SCART1: variants seen among roughly 807,000 people sequenced by gnomAD.
SCART1 encodes scavenger receptor family member expressed on T cells 1.
SCART1 carries 62 observed loss-of-function variants against 36.2 expected under a neutral mutation model. That is an observed-to-expected ratio of 1.71 (90% CI 1.40 to 2.12). The LOEUF is 2.12. SCART1 is among the 30% of genes most tolerant of loss of function. The pLI, the probability that SCART1 is intolerant of heterozygous loss-of-function variation, is 0.00. For missense variants in SCART1, 1,041 were observed against 540.5 expected, an observed-to-expected ratio of 1.93 and a Z score of -9.18; for synonymous variants, 487 against 238.7, an observed-to-expected ratio of 2.04 and a Z score of -9.59.
intron 3 of SCART1, 100 bp downstream of exon 3, chr10:133,457,675 G>C: frequency 1.7e-6 from 1 of 592,820 alleles, no homozygotes. Flanking sequence ...CCACGGATGG[G>C]CCCCCCTGTC....
chr10:133,456,423 G>A, exon 2 of SCART1: 1 of 702,892 alleles, frequency 1.4e-6, no homozygotes, highest in South Asian at 1.5e-5. Flanking sequence ...CCGCTGCCTG[G>A]AGAGATGGCC....
At chr10:133,454,706 G>A (rs1318756069) in intron 1 of SCART1, among the ~76,000 whole-genome samples, 1 of 152,144 alleles carries the variant, frequency 6.6e-6, no homozygotes, top group African/African-American at 2.4e-5. Flanking sequence ...TGAGGCTGAG[G>A]AACACTTCAC....
Position 133,454,430 on chromosome 10 carries a change from G to A in SCART1, c.67+366G>A, listed in dbSNP as rs923800634. On this transcript the variant is annotated intron_variant, in intron 1 of 11. Coordinates refer to ENST00000640237, the Ensembl canonical transcript of SCART1. The stretch of plus-strand genomic sequence containing the variant: ...CCCTGGAGCAGGGCTGAGGTCCTGG[G>A]AAGGAGGTGGGAGGGTTGGCTGCAT... Among the ~76,000 whole-genome samples, 5 of 152,212 alleles carry A rather than the reference G, an allele frequency of 3.3e-5. No homozygotes were observed. The South Asian group carries it at 8.3e-4, about 25-fold the overall frequency.
rs571579875 is a variant in SCART1 at position 133,460,664 on chromosome 10, C to T, written c.1969+494C>T. Reference sequence around the variant, plus strand: ...GATCCTTCAGCCTCAGCCTCCCAAGCTGCTGGGACTACAGAAGTGAGGCAC... The same window carrying T: ...GATCCTTCAGCCTCAGCCTCCCAAGTTGCTGGGACTACAGAAGTGAGGCAC... On this transcript the variant is annotated intron_variant, in intron 6 of 11. Transcript: ENST00000640237. Among the ~76,000 whole-genome samples the T allele has an allele frequency of 4.0e-5, 6 of 150,968 alleles. No individual in the cohort carries two copies. The South Asian group carries it at 1.3e-3, about 32-fold the overall frequency.
At chr10:133,460,760 T>C (rs1850692742) in intron 6 of SCART1, among the ~76,000 whole-genome samples, 1 of 151,580 alleles carries the variant, frequency 6.6e-6, no homozygotes, top group Admixed American at 6.6e-5. Flanking sequence ...CAGACTTTTT[T>C]TTTTTTGACA....
exon 6 of SCART1, chr10:133,459,854 C>T: frequency 3.6e-6 from 2 of 563,010 alleles, no homozygotes; most frequent in East Asian, 3.3e-5. Flanking sequence ...GGATCCCGGG[C>T]GCCCTGACTC....
chr10:133,461,337 G>A (rs1365260390), intron 6 of SCART1, among the ~76,000 whole-genome samples: 3 of 152,150 alleles, frequency 2.0e-5, no homozygotes, highest in African/African-American at 7.2e-5. Flanking sequence ...AGGCAACCCT[G>A]GGGGAGAGGC....
intron 6 of SCART1, chr10:133,464,386 G>T: frequency 2.0e-6 from 1 of 501,140 alleles, no homozygotes; most frequent in South Asian, 3.4e-5. Flanking sequence ...TGGGCGTGCA[G>T]ATGTTTCTGC....
chr10:133,456,994 C>T lies in SCART1; in HGVS notation c.386-285C>T, dbSNP rs150244408. The T allele has an allele frequency of 1.2e-3, 661 of 533,668 alleles. 1 individual carries two copies. Among genetic ancestry groups the T allele is most frequent in the African/African-American group, 0.012 (601 of 51,786 alleles). The allele number at this position is 533,668 out of a possible 1,614,324, so 33.1% of individuals were successfully genotyped here. A position where few individuals can be genotyped will look rare whatever the true frequency, so the allele number is the denominator to read the frequency against. On this transcript the variant is annotated intron_variant, in intron 2 of 11. Coordinates refer to ENST00000640237, the Ensembl canonical transcript of SCART1. ...TGTGGCTGTGAGGACCCCCTCATAG[C>T]GTCCTGCCTCTGAGGCTGAACCACC...
intron 6 of SCART1, among the ~76,000 whole-genome samples, chr10:133,461,213 C>T (rs1182099920): frequency 6.6e-6 from 1 of 152,016 alleles, no homozygotes; most frequent in Non-Finnish European, 1.5e-5. Flanking sequence ...GGGTCACGGG[C>T]TGCCCACCTG....
In SCART1 at chr10:133,460,176, C is replaced by A. The variant is rs553283715; in HGVS notation, c.1969+6C>A. Reference sequence around the variant, plus strand: ...CGCCGGCGTCTTCTGCTCAGGTGAGCGGCCGTTGGGTATGGAATGATCATG... The same window carrying A: ...CGCCGGCGTCTTCTGCTCAGGTGAGAGGCCGTTGGGTATGGAATGATCATG... On this transcript the variant is annotated splice_donor_region_variant and intron_variant, in intron 6 of 11. Coordinates refer to ENST00000640237, the Ensembl canonical transcript of SCART1. 1 of 489,718 alleles carries A rather than the reference C, an allele frequency of 2.0e-6. No homozygotes were observed. 30.3% of individuals were successfully genotyped at this position (489,718 alleles called of 1,614,324 possible). A position where few individuals can be genotyped will look rare whatever the true frequency, so the allele number is the denominator to read the frequency against.
intron 1 of SCART1, among the ~76,000 whole-genome samples, chr10:133,456,032 G>T (rs1364555195): frequency 6.6e-6 from 1 of 152,140 alleles, no homozygotes; most frequent in African/African-American, 2.4e-5. Context: ...GAGGGCCAGG[G>T]AGGGGAGTAG....
intron 1 of SCART1, among the ~76,000 whole-genome samples, chr10:133,455,328 G>T (rs1850595455): frequency 6.6e-6 from 1 of 152,146 alleles, no homozygotes. Flanking sequence ...CAGGTGGGGA[G>T]GGTGATGAGG....
exon 5 of SCART1, chr10:133,459,130 C>T (rs916076392): frequency 1.4e-6 from 1 of 702,778 alleles, no homozygotes; most frequent in African/African-American, 1.7e-5. Flanking sequence ...CAGATGCCAC[C>T]GTCCTCTGCC....
chr10:133,464,209 T>A (rs903104610), intron 6 of SCART1: 2 of 198,192 alleles, frequency 1.0e-5, no homozygotes, highest in African/African-American at 4.7e-5. Flanking sequence ...TATCCATGTA[T>A]CTGTTGTTGG....
intron 3 of SCART1, 129 bp downstream of exon 3, chr10:133,457,704 G>A (rs1055123618): frequency 6.5e-5 from 37 of 573,008 alleles, no homozygotes; most frequent in Middle Eastern, 4.2e-4. Context: ...GACATTGGGC[G>A]CAGAGGTGGG....
At position 133,466,406 on chromosome 10, in the gene SCART1, C is replaced by T. The variant is rs1850766849; in HGVS notation, c.2806+25C>T. On this transcript the variant is annotated intron_variant, in intron 10 of 11. Transcript: ENST00000640237. ...GGTAAGCGTGAGCCCACCCTGATCC[C>T]ATCAACTGGTGTGCAGGAGCAAGAG... 6 of 697,674 alleles carry T rather than the reference C, an allele frequency of 8.6e-6. No homozygotes were observed. The Admixed American group carries it at 1.2e-4, about 14-fold the overall frequency. 43.2% of individuals were successfully genotyped at this position (697,674 alleles called of 1,614,324 possible). A position where few individuals can be genotyped will look rare whatever the true frequency, so the allele number is the denominator to read the frequency against.
At chr10:133,461,733 T>C (rs1302216087) in intron 6 of SCART1, among the ~76,000 whole-genome samples, 4 of 152,192 alleles carry the variant, frequency 2.6e-5, no homozygotes, top group Non-Finnish European at 5.9e-5. Flanking sequence ...GATGCTCTGC[T>C]CTCATAAAAG....
chr10:133,455,094 C>T (rs1850592193), intron 1 of SCART1, among the ~76,000 whole-genome samples: 1 of 151,990 alleles, frequency 6.6e-6, no homozygotes, highest in Non-Finnish European at 1.5e-5. Flanking sequence ...TGGTGAAACC[C>T]CATCTCTACT....
Sources: gnomAD v4.1 joint callset for allele counts (sites outside exome capture counted in the v4.1 genomes callset) on GRCh38, gnomAD v4.1.1 for gene constraint, MANE v1.5 for transcripts, NCBI Gene and HGNC (gene_info 2026-07-23, HGNC 2026-07-21) for gene names.